The following DGKG variants were observed in gnomAD, a reference collection of about 807,000 sequenced individuals.
DGKG encodes DAG kinase gamma.
A neutral mutation model predicts 105.3 loss-of-function variants in DGKG; 78 were observed. That is an observed-to-expected ratio of 0.74 (90% confidence interval 0.62 to 0.89). The LOEUF (loss-of-function observed/expected upper bound fraction) is 0.89, where lower values mean the gene tolerates loss of function less well. Ranked by LOEUF, DGKG falls within the 40% of genes least tolerant of loss-of-function variation. The pLI is 0.00. For missense variants in DGKG, 958 were observed against 1,020.1 expected (o/e 0.94, Z 0.83); for synonymous variants, 346 against 367.1 (o/e 0.94, Z 0.66).
intron 1 of DGKG, among the ~76,000 whole-genome samples, chr3:186,358,548 C>A (rs1727087025): frequency 9.1e-6 from 1 of 109,898 alleles, no homozygotes; most frequent in African/African-American, 3.3e-5. Context: ...AATTCAATCT[C>A]TCTTCTGCCA....
At chr3:186,215,824 T>C (rs1719259554) in intron 20 of DGKG, among the ~76,000 whole-genome samples, 1 of 152,164 alleles carries the variant, frequency 6.6e-6, no homozygotes, top group African/African-American at 2.4e-5. Flanking sequence ...GATTTCCCAG[T>C]GGCAGTCGTC....
At position 186,288,761 on chromosome 3, in the gene DGKG, C is replaced by A; in HGVS notation, c.493G>T (p.Val165Leu). The A allele has an allele frequency of 1.2e-6, 2 of 1,614,202 alleles. No homozygotes were observed. Among genetic ancestry groups the A allele is most frequent in the Non-Finnish European group, 1.7e-6 (2 of 1,180,020 alleles). The stretch of plus-strand genomic sequence containing the variant: ...GTCTCCAGCAGGGACAGGTAGCACA[C>A]AACATCCTTCAGGTATACCACTGGG... ...ESPVVYLKDV[V>L]CYLSLLETGR... Residue 165 changes from valine to leucine, a missense_variant, in exon 6 of 25, where the codon GTG becomes TTG. Physicochemically the swap from Val to Leu is conservative, Grantham distance 32. Around this residue, in one of 2 missense-constraint regions of DGKG, gnomAD observed 643 missense variants for 619.5 expected, o/e 1.04. Coordinates refer to ENST00000265022, the MANE Select transcript of DGKG (RefSeq NM_001346.3).
chr3:186,315,182 A>C (rs1724758479), intron 2 of DGKG, among the ~76,000 whole-genome samples: 1 of 152,224 alleles, frequency 6.6e-6, no homozygotes, highest in Non-Finnish European at 1.5e-5. Flanking sequence ...CAGGGAAAGG[A>C]AACCCAGTCA....
intron 19 of DGKG, among the ~76,000 whole-genome samples, chr3:186,245,573 C>T (rs1720900554): frequency 6.6e-6 from 1 of 152,234 alleles, no homozygotes; most frequent in South Asian, 2.1e-4. Context: ...AGCGAGACTT[C>T]TGTTCTGAAG....
chr3:186,267,844 G>A, intron 12 of DGKG, 67 bp from the exon 13 acceptor site: 1 of 1,480,800 alleles, frequency 6.8e-7, no homozygotes, highest in East Asian at 2.3e-5. Context: ...TGAAGGTGGA[G>A]AGGTTTGGGG....
intron 8 of DGKG, 65 bp downstream of exon 8, chr3:186,280,605 T>C (rs951259414): frequency 3.6e-5 from 47 of 1,300,818 alleles, no homozygotes; most frequent in Non-Finnish European, 5.0e-5. Context: ...ATTCATGTCT[T>C]GAGTGTGTCC....
chr3:186,186,089 T>C (rs1424697785), intron 22 of DGKG, among the ~76,000 whole-genome samples: 2 of 109,026 alleles, frequency 1.8e-5, no homozygotes, highest in African/African-American at 8.1e-5. Context: ...AGAGTGAGAC[T>C]CTGCCTCAAA....
intron 20 of DGKG, among the ~76,000 whole-genome samples, chr3:186,212,709 T>A (rs1054925150): frequency 1.3e-5 from 2 of 152,144 alleles, no homozygotes; most frequent in African/African-American, 4.8e-5. Context: ...GATCAGATGG[T>A]CTCACTGGGA....
At chr3:186,175,392 T>C (rs1056478055) in intron 22 of DGKG, among the ~76,000 whole-genome samples, 1 of 152,194 alleles carries the variant, frequency 6.6e-6, no homozygotes, top group African/African-American at 2.4e-5. Flanking sequence ...GGGAAAAATG[T>C]GTCCTCCATT....
intron 6 of DGKG, among the ~76,000 whole-genome samples, chr3:186,286,825 G>A (rs1193955536): frequency 6.6e-6 from 1 of 152,102 alleles, no homozygotes; most frequent in African/African-American, 2.4e-5. Flanking sequence ...CCTGAGGTCA[G>A]AAGTTCGAGA....
chr3:186,345,063 G>T (rs560615343), intron 1 of DGKG, among the ~76,000 whole-genome samples: 7 of 151,968 alleles, frequency 4.6e-5, no homozygotes, highest in Non-Finnish European at 1.0e-4. Context: ...ATCAGTTTGG[G>T]GTGCAATATT....
chr3:186,345,083 A>G (rs1287955216), intron 1 of DGKG, among the ~76,000 whole-genome samples: 1 of 152,196 alleles, frequency 6.6e-6, no homozygotes, highest in African/African-American at 2.4e-5. Flanking sequence ...TAATTGATGT[A>G]CATATTTCCA....
intron 3 of DGKG, among the ~76,000 whole-genome samples, chr3:186,304,290 A>G (rs1030372310): frequency 7.9e-5 from 12 of 152,222 alleles, no homozygotes; most frequent in African/African-American, 1.2e-4. Flanking sequence ...TGGCTCTGCT[A>G]TCTTCTCTGC....
At chr3:186,312,586 TG>T (rs1724605791) in intron 2 of DGKG, among the ~76,000 whole-genome samples, 1 of 152,016 alleles carries the variant, frequency 6.6e-6, no homozygotes, top group Admixed American at 6.5e-5. Context: ...CCATAAGTGG[TG>T]GGCAGGGGGA....
intron 1 of DGKG, among the ~76,000 whole-genome samples, chr3:186,348,687 A>G (rs1051406219): frequency 2.6e-5 from 4 of 151,942 alleles, no homozygotes; most frequent in Admixed American, 6.6e-5. Flanking sequence ...CCTGGGCTCA[A>G]GTGACTGCCT....
At chr3:186,335,467 C>T (rs1725788878) in intron 1 of DGKG, among the ~76,000 whole-genome samples, 1 of 152,156 alleles carries the variant, frequency 6.6e-6, no homozygotes, top group Admixed American at 6.5e-5. Context: ...ACCCTTTACT[C>T]TTGCCACATG....
chr3:186,163,482 T>A (rs1716397185), intron 23 of DGKG, among the ~76,000 whole-genome samples: 1 of 152,194 alleles, frequency 6.6e-6, no homozygotes, highest in African/African-American at 2.4e-5. Flanking sequence ...GTATGGCAAC[T>A]GTTCTGTTCT....
chr3:186,355,341 C>A (rs921002836), intron 1 of DGKG, among the ~76,000 whole-genome samples: 1 of 145,976 alleles, frequency 6.9e-6, no homozygotes, highest in Non-Finnish European at 1.5e-5. Flanking sequence ...CTATCACCAC[C>A]ACCAACAACA....
chr3:186,174,613 C>A (rs941714463), intron 22 of DGKG, among the ~76,000 whole-genome samples: 4 of 151,460 alleles, frequency 2.6e-5, no homozygotes, highest in Admixed American at 2.0e-4. Context: ...AGGAGCTCAC[C>A]CTTTTATCTG....
Sources: allele counts gnomAD v4.1 joint callset (sites outside exome capture counted in the v4.1 genomes callset), GRCh38; gene constraint gnomAD v4.1.1; regional missense constraint gnomAD v4.1.1; transcripts MANE v1.5; gene names NCBI Gene and HGNC (gene_info 2026-07-23, HGNC 2026-07-21).